Variants in ARHGAP6 observed in about 807,000 individuals in gnomAD.
The protein encoded by ARHGAP6 is rho GTPase-activating protein 6.
ARHGAP6 carries 16 observed loss-of-function variants against 55.7 expected under a neutral mutation model. That is an observed-to-expected ratio of 0.29 (90% CI 0.19 to 0.44). The LOEUF is 0.44. ARHGAP6 is among the 20% of genes least tolerant of loss of function. ARHGAP6 has a pLI of 1.00. For synonymous variants in ARHGAP6, 382 were observed against 360.9 expected, an observed-to-expected ratio of 1.06 and a Z score of -0.66; for missense variants, 698 against 808.9, an observed-to-expected ratio of 0.86 and a Z score of 1.66.
At chrX:11,550,802 T>C (rs2051258465) in intron 1 of ARHGAP6, among the ~76,000 whole-genome samples, 1 of 112,037 alleles carries the variant, frequency 8.9e-6, no homozygotes. Context: ...TCACAATACA[T>C]ATCATGAGAG....
intron 1 of ARHGAP6, among the ~76,000 whole-genome samples, chrX:11,553,387 G>A (rs908032809): frequency 1.1e-4 from 12 of 110,685 alleles, no homozygotes; most frequent in African/African-American, 3.0e-4. Context: ...AACTACAGGC[G>A]TGCGCCACCA....
At chrX:11,201,987 A>ATG (rs1250170973) in intron 2 of ARHGAP6, among the ~76,000 whole-genome samples, 5 of 28,793 alleles carry the variant, frequency 1.7e-4, no homozygotes, top group East Asian at 2.1e-3. Flanking sequence ...GAGCATCTGG[A>ATG]TCTGTGTGTG....
intron 1 of ARHGAP6, among the ~76,000 whole-genome samples, chrX:11,532,752 C>T (rs1405631604): frequency 8.9e-6 from 1 of 112,547 alleles, no homozygotes; most frequent in Non-Finnish European, 1.9e-5. Context: ...ATATTGTATA[C>T]AGCTGCTTTC....
At chrX:11,369,225 A>G (rs954974278) in intron 1 of ARHGAP6, among the ~76,000 whole-genome samples, 2 of 111,078 alleles carry the variant, frequency 1.8e-5, no homozygotes, top group African/African-American at 6.6e-5. Context: ...ATGATAAAGT[A>G]TCTCTACGGA....
rs753106514 is a variant in ARHGAP6 at position 11,512,292 on chromosome X, A to G, written c.588+151949T>C. On this transcript the variant is annotated intron_variant, in intron 1 of 12. Transcript: ENST00000337414. ...TTCACTGATCAAGAGTAATAAAAACATAACCTGGAAATTATTTTAGAAATC... is the reference window on the plus strand; with the variant it reads ...TTCACTGATCAAGAGTAATAAAAACGTAACCTGGAAATTATTTTAGAAATC... 1.2e-4 allele frequency among the ~76,000 whole-genome samples: 13 copies of G among 111,978 alleles called. No homozygotes were observed. In the South Asian group the frequency reaches 4.9e-3, roughly 42 times the overall value.
chrX:11,244,339 G>T (rs768425097), intron 2 of ARHGAP6, among the ~76,000 whole-genome samples: 1 of 111,687 alleles, frequency 9.0e-6, no homozygotes, highest in South Asian at 3.8e-4. Context: ...AGAAAGAAAT[G>T]GACATGGCTG....
intron 1 of ARHGAP6, among the ~76,000 whole-genome samples, chrX:11,578,245 T>C (rs2051625088): frequency 9.0e-6 from 1 of 111,667 alleles, no homozygotes; most frequent in Admixed American, 9.5e-5. Context: ...GTGTTAACAA[T>C]GTGAAGATTC....
intron 1 of ARHGAP6, among the ~76,000 whole-genome samples, chrX:11,418,522 T>C (rs1267969316): frequency 3.6e-5 from 4 of 111,951 alleles, no homozygotes; most frequent in Non-Finnish European, 7.5e-5. Context: ...CCTAATGGGC[T>C]TAGAGGGAAA....
At chrX:11,626,294 T>C (rs766107465) in intron 1 of ARHGAP6, among the ~76,000 whole-genome samples, 4 of 111,536 alleles carry the variant, frequency 3.6e-5, no homozygotes, top group Non-Finnish European at 5.7e-5. Context: ...AACAAATAAA[T>C]AACCATCAGA....
chrX:11,212,156 A>G (rs1202966925), intron 2 of ARHGAP6, among the ~76,000 whole-genome samples: 1 of 111,942 alleles, frequency 8.9e-6, no homozygotes, highest in African/African-American at 3.2e-5. Context: ...TATGTATTAT[A>G]TATTAATCTA....
chrX:11,607,378 C>T (rs2052047681), intron 1 of ARHGAP6, among the ~76,000 whole-genome samples: 1 of 111,598 alleles, frequency 9.0e-6, no homozygotes, highest in Admixed American at 9.6e-5. Flanking sequence ...TTCTGAAGTA[C>T]CCCGAAAAGG....
chrX:11,602,298 G>A (rs2051985623), intron 1 of ARHGAP6, among the ~76,000 whole-genome samples: 1 of 112,243 alleles, frequency 8.9e-6, no homozygotes, highest in South Asian at 3.7e-4. Flanking sequence ...AGGATTCTTG[G>A]TTGCAAGCAA....
At chrX:11,646,343 G>A (rs2052526535) in intron 1 of ARHGAP6, among the ~76,000 whole-genome samples, 1 of 111,493 alleles carries the variant, frequency 9.0e-6, no homozygotes. Flanking sequence ...CACCCAGCAT[G>A]AGAGACAAGG....
chrX:11,498,745 TA>T (rs1018155024), intron 1 of ARHGAP6, among the ~76,000 whole-genome samples: 6 of 110,687 alleles, frequency 5.4e-5, no homozygotes, highest in African/African-American at 9.8e-5. Flanking sequence ...AAAGGGAATT[TA>T]AAAAAAAATA....
At chrX:11,386,896 A>C (rs943474436) in intron 1 of ARHGAP6, among the ~76,000 whole-genome samples, 7 of 112,116 alleles carry the variant, frequency 6.2e-5, no homozygotes, top group Non-Finnish European at 1.1e-4. Context: ...TACCCGCTTA[A>C]AAACCATATA....
Position 11,393,843 on chromosome X carries a change from A to G in ARHGAP6, c.589-139136T>C, listed in dbSNP as rs1482041304. On this transcript the variant is annotated intron_variant, in intron 1 of 12. Transcript: ENST00000337414. The stretch of plus-strand genomic sequence containing the variant: ...TTAACTTGTTTTAATACTGAGAAAA[A>G]TATTTTTTAAATATTGATGAACATT... 2.7e-5 allele frequency among the ~76,000 whole-genome samples: 3 copies of G among 111,893 alleles called. No homozygotes were observed. In the East Asian group the frequency reaches 8.4e-4, roughly 31 times the overall value.
At chrX:11,418,530 A>G (rs2049782106) in intron 1 of ARHGAP6, among the ~76,000 whole-genome samples, 1 of 111,736 alleles carries the variant, frequency 8.9e-6, no homozygotes, top group Non-Finnish European at 1.9e-5. Context: ...GCTTAGAGGG[A>G]AAAAAAATCT....
At chrX:11,180,305 A>C (rs1382899436) in intron 6 of ARHGAP6, among the ~76,000 whole-genome samples, 2 of 111,394 alleles carry the variant, frequency 1.8e-5, no homozygotes, top group Non-Finnish European at 3.8e-5. Context: ...ATGTAACTTC[A>C]TAAACCTACA....
chrX:11,662,840 T>C (rs1185996095), intron 1 of ARHGAP6, among the ~76,000 whole-genome samples: 3 of 112,419 alleles, frequency 2.7e-5, no homozygotes, highest in Non-Finnish European at 5.6e-5. Context: ...CAGATTAATC[T>C]GATAATGTGT....
Sources: gnomAD v4.1 joint callset for allele counts (sites outside exome capture counted in the v4.1 genomes callset) on GRCh38, gnomAD v4.1.1 for gene constraint, MANE v1.5 for transcripts, NCBI Gene and HGNC (gene_info 2026-07-23, HGNC 2026-07-21) for gene names.